The following TRPM3 variants were observed in gnomAD, a reference collection of about 807,000 sequenced individuals.
The protein encoded by TRPM3 is transient receptor potential cation channel subfamily M member 3.
Under a neutral mutation model 181.2 loss-of-function variants are expected in TRPM3, and 77 were observed. The ratio of observed to expected loss-of-function variants is 0.42; its 90% CI spans 0.35 to 0.51. The LOEUF (loss-of-function observed/expected upper bound fraction) is 0.51. TRPM3 is among the 20% of genes least tolerant of loss of function. The probability of loss-of-function intolerance (pLI) is 0.01; values close to 1 mark genes in which losing one functional copy is unlikely to be tolerated. For missense variants in TRPM3, 1,759 were observed against 2,196.7 expected, an observed-to-expected ratio of 0.80 and a Z score of 3.98; for synonymous variants, 745 against 796.4, an observed-to-expected ratio of 0.94 and a Z score of 1.09.
rs2097796918 is a variant in TRPM3 at position 71,017,835 on chromosome 9, A to C, written c.177+103343T>G. Among the ~76,000 whole-genome samples the C allele has an allele frequency of 2.6e-5, 4 of 152,012 alleles. No individual in the cohort carries two copies. The South Asian group carries it at 8.3e-4, about 31-fold the overall frequency. On this transcript the variant is annotated intron_variant, in intron 1 of 25. Coordinates refer to ENST00000677713, the MANE Select transcript of TRPM3 (RefSeq NM_001366145.2). ...AAAAAATAAGCAACAGATTTGACCT[A>C]ACTGACATACATAGAACTCTATACC... is the stretch of plus-strand genomic sequence containing the variant.
At chr9:71,003,452 C>T (rs965049452) in intron 1 of TRPM3, among the ~76,000 whole-genome samples, 1 of 148,750 alleles carries the variant, frequency 6.7e-6, no homozygotes, top group African/African-American at 2.5e-5. Context: ...GGGTAAATTA[C>T]TAAAATTGGG....
chr9:71,042,651 G>GA (rs1192906856), intron 1 of TRPM3, among the ~76,000 whole-genome samples: 1 of 152,116 alleles, frequency 6.6e-6, no homozygotes, highest in Non-Finnish European at 1.5e-5. Flanking sequence ...GTGACCTTTG[G>GA]ATGTTCTGAA....
intron 1 of TRPM3, among the ~76,000 whole-genome samples, chr9:71,228,284 C>T (rs1275358823): frequency 6.6e-6 from 1 of 152,064 alleles, no homozygotes; most frequent in African/African-American, 2.4e-5. Flanking sequence ...CTCAACATCG[C>T]TTCATGATAA....
chr9:70,923,330 T>C (rs564319923), intron 1 of TRPM3, among the ~76,000 whole-genome samples: 1 of 152,272 alleles, frequency 6.6e-6, no homozygotes, highest in East Asian at 1.9e-4. Context: ...TGTCCTATTT[T>C]GGGATGATGG....
At chr9:70,605,141 G>C (rs2060803959) in intron 19 of TRPM3, among the ~76,000 whole-genome samples, 1 of 151,730 alleles carries the variant, frequency 6.6e-6, no homozygotes, top group Non-Finnish European at 1.5e-5. Context: ...TTTTAGTAGA[G>C]ACTGAGGTTT....
intron 1 of TRPM3, among the ~76,000 whole-genome samples, chr9:70,867,153 C>A (rs1335305300): frequency 1.3e-5 from 2 of 152,034 alleles, no homozygotes; most frequent in Non-Finnish European, 2.9e-5. Flanking sequence ...GGAATGAATA[C>A]TCTGCTATGT....
intron 1 of TRPM3, among the ~76,000 whole-genome samples, chr9:71,114,602 G>T (rs920293226): frequency 3.3e-5 from 5 of 152,100 alleles, no homozygotes; most frequent in Admixed American, 2.6e-4. Context: ...GTTTTTGAAG[G>T]TTGTGCGGTG....
intron 1 of TRPM3, among the ~76,000 whole-genome samples, chr9:71,333,664 G>T (rs1013937655): frequency 4.0e-5 from 6 of 151,868 alleles, no homozygotes; most frequent in African/African-American, 1.5e-4. Flanking sequence ...CTCTTGTGAT[G>T]ACTTCAACCC....
At chr9:70,566,226 C>G (rs2050543872) in intron 22 of TRPM3, among the ~76,000 whole-genome samples, 2 of 151,932 alleles carry the variant, frequency 1.3e-5, no homozygotes, top group Admixed American at 1.3e-4. Flanking sequence ...TGCGGGAAGC[C>G]CACGGGTGGT....
intron 1 of TRPM3, among the ~76,000 whole-genome samples, chr9:71,226,949 C>T (rs1290622800): frequency 6.6e-6 from 1 of 151,658 alleles, no homozygotes. Context: ...CATTCTTCTT[C>T]TCAGTACATA....
intron 1 of TRPM3, among the ~76,000 whole-genome samples, chr9:71,296,988 CTT>C (rs398010878): frequency 2.8e-3 from 272 of 97,850 alleles, no homozygotes; most frequent in Middle Eastern, 5.9e-3. Flanking sequence ...TGAATCTTTT[CTT>C]TTTTTTTTTT....
At chr9:70,784,790 ATATTTT>A (rs1200398983) in intron 6 of TRPM3, among the ~76,000 whole-genome samples, 1 of 152,222 alleles carries the variant, frequency 6.6e-6, no homozygotes, top group Non-Finnish European at 1.5e-5. Flanking sequence ...AGCTGGGGAC[ATATTTT>A]AACTTGTTGA....
chr9:70,598,394 C>T lies in TRPM3; in HGVS notation c.3048+25G>A, dbSNP rs200607009. 2.4e-5 allele frequency: 38 copies of T among 1,608,610 alleles called. No individual in the cohort carries two copies. The Middle Eastern group carries it at 6.7e-4, about 28-fold the overall frequency. ...CCATTCCTCCTCTGAAAACTTATAA[C>T]ATGGAATCAGAAGACCCTGCTTACC... On this transcript the variant is annotated intron_variant, in intron 21 of 25. Coordinates refer to ENST00000677713, the MANE Select transcript of TRPM3 (RefSeq NM_001366145.2).
At chr9:70,590,208 A>C (rs553757178) in intron 22 of TRPM3, among the ~76,000 whole-genome samples, 15 of 152,284 alleles carry the variant, frequency 9.9e-5, no homozygotes, top group African/African-American at 3.6e-4. Flanking sequence ...TTCCCAAAAA[A>C]TTTCCCAATG....
chr9:71,343,833 G>A (rs1430051027), intron 1 of TRPM3, among the ~76,000 whole-genome samples: 6 of 151,940 alleles, frequency 3.9e-5, no homozygotes, highest in African/African-American at 1.2e-4. Context: ...AGATGAGCCT[G>A]GGTCATCTTA....
At chr9:71,399,930 G>C (rs1283271076) in intron 1 of TRPM3, among the ~76,000 whole-genome samples, 1 of 151,992 alleles carries the variant, frequency 6.6e-6, no homozygotes, top group Non-Finnish European at 1.5e-5. Context: ...ATCCTGGCCT[G>C]GGTGTCAAAA....
At position 70,551,492 on chromosome 9, in the gene TRPM3, T is replaced by C. The variant is rs747675722; in HGVS notation, c.3574+1352A>G. Among the ~76,000 whole-genome samples the C allele has an allele frequency of 2.6e-5, 4 of 152,342 alleles. 1 individual carries two copies. The South Asian group carries it at 6.2e-4, about 24-fold the overall frequency. ...GAGCTGGCTCCCATCTAGCCCAATG[T>C]CTGGCTTATTCAGGTTCTCTGGCCT... is the stretch of plus-strand genomic sequence containing the variant. On this transcript the variant is annotated intron_variant, in intron 24 of 25. Coordinates refer to ENST00000677713, the MANE Select transcript of TRPM3 (RefSeq NM_001366145.2).
chr9:71,394,092 C>G (rs1320768082), intron 1 of TRPM3, among the ~76,000 whole-genome samples: 1 of 152,146 alleles, frequency 6.6e-6, no homozygotes, highest in Non-Finnish European at 1.5e-5. Context: ...GATTAGGAAA[C>G]ACTGCTAAAA....
intron 6 of TRPM3, among the ~76,000 whole-genome samples, chr9:70,806,952 T>C (rs1245813699): frequency 1.3e-5 from 2 of 152,180 alleles, no homozygotes; most frequent in African/African-American, 2.4e-5. Context: ...TTTAAGATGA[T>C]TATCTCAAGC....
Sources: allele counts gnomAD v4.1 joint callset (sites outside exome capture counted in the v4.1 genomes callset), GRCh38; gene constraint gnomAD v4.1.1; transcripts MANE v1.5; gene names NCBI Gene and HGNC (gene_info 2026-07-23, HGNC 2026-07-21).